GSDME: variants seen among roughly 807,000 people sequenced by gnomAD.
The protein encoded by GSDME is gasdermin-E.
Under a neutral mutation model 47.5 loss-of-function variants are expected in GSDME, and 44 were observed. The observed-to-expected ratio is 0.93, with a 90% confidence interval of 0.73 to 1.19. The LOEUF (loss-of-function observed/expected upper bound fraction) is 1.19. Among genes scored for constraint, GSDME ranks in the 50% most tolerant of loss-of-function variants. The pLI, the probability that GSDME is intolerant of heterozygous loss-of-function variation, is 0.00. For missense variants in GSDME, 663 were observed against 604.2 expected (o/e 1.10, Z -1.02); for synonymous variants, 258 against 252.8 (o/e 1.02, Z -0.20).
chr7:24,724,585 G>A lies in GSDME; in HGVS notation c.405-5367C>T, dbSNP rs568079113. ...GGAGCAAGTCTGGAGGCAGGGGAAG[G>A]GGGTGCATACTCAGTCGAGAAGAAC... On this transcript the variant is annotated intron_variant, in intron 3 of 9. Coordinates refer to ENST00000645220, the MANE Select transcript of GSDME (RefSeq NM_001127453.2). This position sits in a 1 kb window ranked among gnomAD's most constrained non-coding sequence, Gnocchi z 4.8. 1 of 152,408 alleles carries A rather than the reference G, an allele frequency of 6.6e-6. No homozygotes were observed. The highest frequency in any genetic ancestry group is 1.5e-5 in the Non-Finnish European group (1 of 68,228). The allele number at this position is 152,408 out of a possible 1,614,324, so 9.4% of individuals were successfully genotyped here.
intron 7 of GSDME, chr7:24,707,376 T>C (rs761697931): frequency 2.1e-6 from 1 of 471,506 alleles, no homozygotes; most frequent in South Asian, 1.5e-5. Context: ...GCTCTCACCA[T>C]TTGTACAACT....
In GSDME at chr7:24,705,964, A is replaced by G. The variant is rs183176250; in HGVS notation, c.1183+220T>C. ...GGAGGAGGGAGAAGGGCCCTCCGGG[A>G]GAGTAGGGAGGCTTGTGCTGGATGG... On this transcript the variant is annotated intron_variant, in intron 8 of 9. Transcript: ENST00000645220. This position sits in a 1 kb window ranked among gnomAD's most constrained non-coding sequence, Gnocchi z 4.1. The G allele has an allele frequency of 6.5e-4, 407 of 621,888 alleles. No homozygotes were observed. The African/African-American group carries it at 6.6e-3, about 10-fold the overall frequency. 38.5% of individuals were successfully genotyped at this position (621,888 alleles called of 1,614,324 possible).
chr7:24,745,023 GTGTGTGTGTGT>G lies in GSDME; in HGVS notation c.212-280_212-270del, dbSNP rs1790620492. On this transcript the variant is annotated intron_variant, in intron 2 of 9. Transcript: ENST00000645220. The surrounding 1 kb of genome is among the most constrained non-coding windows in gnomAD (Gnocchi z 4.4). ...TGTGTGTGTGTGTGTGTGTGTGTGT[GTGTGTGTGTGT>G]GGACCACGGGCACACAGTGGACCAG... 3.5e-5 allele frequency among the ~76,000 whole-genome samples: 5 copies of G among 144,292 alleles called. No homozygotes were observed. Among genetic ancestry groups the G allele is most frequent in the African/African-American group, 1.1e-4 (4 of 34,880 alleles). The allele number at this position is 144,292 out of a possible 152,430, so 94.7% of individuals were successfully genotyped here.
Position 24,744,923 on chromosome 7 carries a change from C to CGTGTGTGTGTGT in GSDME, c.212-181_212-170dup, listed in dbSNP as rs3038356. ...GTGTGGGCAAGAAAACAGGGCAGCA[C>CGTGTGTGTGTGT]GTGTGTGTGTGTGTGTGTGTGTGTG... On this transcript the variant is annotated intron_variant, in intron 2 of 9. Transcript: ENST00000645220. This position sits in a 1 kb window ranked among gnomAD's most constrained non-coding sequence, Gnocchi z 4.5. 5.7e-3 allele frequency among the ~76,000 whole-genome samples: 796 copies of CGTGTGTGTGTGT among 140,184 alleles called. 3 individuals carry two copies. The highest frequency in any genetic ancestry group is 7.2e-3 in the African/African-American group (269 of 37,154). The allele number at this position is 140,184 out of a possible 152,430, so 92.0% of individuals were successfully genotyped here.
At chr7:24,719,947 G>A (rs994507920) in intron 3 of GSDME, among the ~76,000 whole-genome samples, 1 of 152,348 alleles carries the variant, frequency 6.6e-6, no homozygotes, top group East Asian at 1.9e-4. Context: ...ATGATGGGAG[G>A]AATGGTGACC....
Position 24,725,386 on chromosome 7 carries a change from T to C in GSDME, c.405-6168A>G, listed in dbSNP as rs1789931378. ...GGTGGTCAAAGAAATGGCCAGAATT[T>C]TCAGGATGCTTTATAAGGGAGCCCT... On this transcript the variant is annotated intron_variant, in intron 3 of 9. Coordinates refer to ENST00000645220, the MANE Select transcript of GSDME (RefSeq NM_001127453.2). This position sits in a 1 kb window ranked among gnomAD's most constrained non-coding sequence, Gnocchi z 5.1. 1.3e-5 allele frequency among the ~76,000 whole-genome samples: 2 copies of C among 152,150 alleles called. No individual in the cohort carries two copies. The highest frequency in any genetic ancestry group is 6.5e-5 in the Admixed American group (1 of 15,268).
Position 24,705,450 on chromosome 7 carries a change from C to T in GSDME, c.1183+734G>A, listed in dbSNP as rs1252062455. On this transcript the variant is annotated intron_variant, in intron 8 of 9. Coordinates refer to ENST00000645220, the MANE Select transcript of GSDME (RefSeq NM_001127453.2). This position sits in a 1 kb window ranked among gnomAD's most constrained non-coding sequence, Gnocchi z 4.1. ...GGAGGAACCCTGAATGTATCAGAAACTATGTGTCCTGACTAGTGTCACCAT... is the reference window on the plus strand; with the variant it reads ...GGAGGAACCCTGAATGTATCAGAAATTATGTGTCCTGACTAGTGTCACCAT... The T allele has an allele frequency of 2.6e-5, 4 of 154,502 alleles. No individual in the cohort carries two copies. Among genetic ancestry groups the T allele is most frequent in the African/African-American group, 9.6e-5 (4 of 41,468 alleles). 9.6% of individuals were successfully genotyped at this position (154,502 alleles called of 1,614,324 possible).
chr7:24,714,143 G>A lies in GSDME; in HGVS notation c.697+3111C>T, dbSNP rs1365359484. On this transcript the variant is annotated intron_variant, in intron 5 of 9. Coordinates refer to ENST00000645220, the MANE Select transcript of GSDME (RefSeq NM_001127453.2). The surrounding 1 kb of genome is among the most constrained non-coding windows in gnomAD (Gnocchi z 5.0). ...AGGCAGAAGGTCAAGAGAATGAAAGGGTGTTTCTGATTGGGCATAAGTGTC... is the reference window on the plus strand; with the variant it reads ...AGGCAGAAGGTCAAGAGAATGAAAGAGTGTTTCTGATTGGGCATAAGTGTC... Among the ~76,000 whole-genome samples, 1 of 152,190 alleles carries A rather than the reference G, an allele frequency of 6.6e-6. No individual in the cohort carries two copies. The highest frequency in any genetic ancestry group is 1.5e-5 in the Non-Finnish European group (1 of 68,038).
chr7:24,751,278 AC>A (rs3831524), intron 1 of GSDME, among the ~76,000 whole-genome samples: 15,644 of 152,262 alleles, frequency 0.1, 1,209 homozygotes, highest in East Asian at 0.4. Context: ...ATAAGTTACC[AC>A]ATACAAAAAG....
chr7:24,788,620 T>C, the GSDME span, among the ~76,000 whole-genome samples: 3 of 152,218 alleles, frequency 2.0e-5, no homozygotes, highest in African/African-American at 7.2e-5. This position sits in a 1 kb window ranked among gnomAD's most constrained non-coding sequence, Gnocchi z 4.6. Flanking sequence ...GATGTGCTAA[T>C]CACTGACGGA....
At chr7:24,753,591 T>C (rs6979037) in intron 1 of GSDME, among the ~76,000 whole-genome samples, 18,527 of 152,254 alleles carry the variant, frequency 0.12, 1,171 homozygotes, top group African/African-American at 0.14. Context: ...TGTGCTATTC[T>C]GCAGTCTGAC....
At chr7:24,746,886 A>G (rs776404477) in intron 2 of GSDME, among the ~76,000 whole-genome samples, 1 of 152,162 alleles carries the variant, frequency 6.6e-6, no homozygotes, top group Non-Finnish European at 1.5e-5. Context: ...TGAGGCTGCG[A>G]GTGGGAAAAA....
chr7:24,789,407 G>A, the GSDME span, among the ~76,000 whole-genome samples: 1 of 152,286 alleles, frequency 6.6e-6, no homozygotes, highest in South Asian at 2.1e-4. Context: ...CTCCCTGAGT[G>A]AGCAATTCCT....
chr7:24,699,324 A>G, intron 9 of GSDME, 65 bp from the exon 10 acceptor site: 2 of 1,220,826 alleles, frequency 1.6e-6, no homozygotes. Flanking sequence ...TTGGATAGTA[A>G]TGCACTTGTA....
the GSDME span, among the ~76,000 whole-genome samples, chr7:24,783,769 G>A: frequency 3.9e-5 from 6 of 152,184 alleles, no homozygotes; most frequent in Non-Finnish European, 8.8e-5. Flanking sequence ...TAGTCCCCAT[G>A]AACATGGGGA....
At chr7:24,793,352 A>G in the GSDME span, among the ~76,000 whole-genome samples, 1 of 152,156 alleles carries the variant, frequency 6.6e-6, no homozygotes. Flanking sequence ...TACCCCTTTA[A>G]CTTTAGCTAA....
rs117712080 is a variant in GSDME, at chr7:24,725,940, G to A, written c.405-6722C>T. ...CTCCATGGACACAGGACAGGAGTTG[G>A]ATACAAGACGCGGATACATTCAAGA... is the stretch of plus-strand genomic sequence containing the variant. On this transcript the variant is annotated intron_variant, in intron 3 of 9. Coordinates refer to ENST00000645220, the MANE Select transcript of GSDME (RefSeq NM_001127453.2). This position sits in a 1 kb window ranked among gnomAD's most constrained non-coding sequence, Gnocchi z 5.1. 0.018 allele frequency among the ~76,000 whole-genome samples: 2,749 copies of A among 152,280 alleles called. 45 individuals carry two copies. Among genetic ancestry groups the A allele is most frequent in the Non-Finnish European group, 0.031 (2,081 of 68,008 alleles).
rs1157123304 is a variant in GSDME, at chr7:24,724,508, G to A, written c.405-5290C>T. 1.3e-5 allele frequency among the ~76,000 whole-genome samples: 2 copies of A among 152,186 alleles called. No homozygotes were observed. The highest frequency in any genetic ancestry group is 2.9e-5 in the Non-Finnish European group (2 of 68,040). ...GGCGGCAACGTGAAAGCAAGAACAG[G>A]AGGCCACTGAGGCAGAGGCGTATAT... On this transcript the variant is annotated intron_variant, in intron 3 of 9. Coordinates refer to ENST00000645220, the MANE Select transcript of GSDME (RefSeq NM_001127453.2). The surrounding 1 kb of genome is among the most constrained non-coding windows in gnomAD (Gnocchi z 4.8).
the GSDME span, among the ~76,000 whole-genome samples, chr7:24,785,087 G>A: frequency 6.6e-6 from 1 of 152,204 alleles, no homozygotes; most frequent in Non-Finnish European, 1.5e-5. Flanking sequence ...TCAGCAAACT[G>A]TAGTCTGCAG....
Sources: gnomAD v4.1 joint callset for allele counts (sites outside exome capture counted in the v4.1 genomes callset) on GRCh38, gnomAD v4.1.1 for gene constraint, Gnocchi (gnomAD v3.1) non-coding constraint, MANE v1.5 for transcripts, NCBI Gene and HGNC (gene_info 2026-07-23, HGNC 2026-07-21) for gene names.